FH: variants seen among roughly 807,000 people sequenced by gnomAD.
FH encodes the protein fumarate hydratase, mitochondrial.
A neutral mutation model predicts 49.4 loss-of-function variants in FH; 22 were observed. The ratio of observed to expected loss-of-function variants is 0.45; its 90% CI spans 0.32 to 0.64. The LOEUF (loss-of-function observed/expected upper bound fraction) is 0.64, where lower values mean the gene tolerates loss of function less well. Among genes scored for constraint, FH ranks in the 30% least tolerant of loss-of-function variants. The pLI is 0.05. For missense variants in FH, 526 were observed against 641.5 expected (o/e 0.82, Z 1.95); for synonymous variants, 208 against 223.0 (o/e 0.93, Z 0.60).
intron 1 of FH, chr1:241,519,387 C>T (rs1660305764): frequency 3.3e-6 from 2 of 601,832 alleles, no homozygotes; most frequent in African/African-American, 2.0e-5. Context: ...CAAGCGCTCT[C>T]CCGGGCTGCG....
intron 2 of FH, among the ~76,000 whole-genome samples, 191 bp from the exon 3 acceptor site, chr1:241,513,904 G>T (rs1350831327): frequency 6.6e-6 from 1 of 152,024 alleles, no homozygotes; most frequent in Non-Finnish European, 1.5e-5. Context: ...CATTATCATA[G>T]ATCTATTTGT....
intron 9 of FH, among the ~76,000 whole-genome samples, chr1:241,499,528 T>C (rs1003731517): frequency 2.6e-5 from 4 of 152,202 alleles, no homozygotes; most frequent in African/African-American, 9.7e-5. Context: ...GGCTCAGAGC[T>C]ACCTAAAAGA....
At chr1:241,519,337 G>A (rs768518981) in intron 1 of FH, 7 of 443,498 alleles carry the variant, frequency 1.6e-5, no homozygotes, top group Non-Finnish European at 2.4e-5. Context: ...CGCCGGGAGC[G>A]GGCCCAGTAG....
At chr1:241,517,476 T>C (rs552551138) in intron 1 of FH, among the ~76,000 whole-genome samples, 160 bp from the exon 2 acceptor site, 1 of 152,352 alleles carries the variant, frequency 6.6e-6, no homozygotes, top group East Asian at 1.9e-4. Flanking sequence ...TTTCAGGTCT[T>C]TCCTTGAGAG....
intron 1 of FH, among the ~76,000 whole-genome samples, chr1:241,518,637 A>G (rs919106627): frequency 1.3e-5 from 2 of 152,216 alleles, no homozygotes; most frequent in Non-Finnish European, 2.9e-5. Flanking sequence ...GAGTAGCTGT[A>G]AGTATTTCAA....
chr1:241,517,363 G>T, intron 1 of FH, 47 bp from the exon 2 acceptor site: 1 of 1,608,132 alleles, frequency 6.2e-7, no homozygotes, highest in East Asian at 2.2e-5. Flanking sequence ...AGAAACCCAG[G>T]ATCAAAAGTA....
At chr1:241,517,428 C>CA in intron 1 of FH, 112 bp from the exon 2 acceptor site, 7 of 1,116,742 alleles carry the variant, frequency 6.3e-6, no homozygotes, top group Non-Finnish European at 7.8e-6. Context: ...ATCACAAAGA[C>CA]AAAAAAATAC....
At position 241,506,132 on chromosome 1, in the gene FH, T is replaced by C. The variant is rs1343775223; in HGVS notation, c.775A>G (p.Met259Val). ...SGYVQQVKYA[M>V]TRIKAAMPRI... The stretch of plus-strand genomic sequence containing the variant: ...GGCATGGCAGCTTTTATTCTTGTCA[T>C]TGCATATTTTACTTGTTGAACATAA... The change falls in exon 6 of 10, where the codon ATG becomes GTG. Residue 259 changes from methionine (M) to valine (V), a missense_variant. Physicochemically the swap from Met to Val is conservative, Grantham distance 21 (BLOSUM62 1). Around this residue, in one of 2 missense-constraint regions of FH, gnomAD observed 383 missense variants for 514.0 expected, o/e 0.75. Coordinates refer to ENST00000366560, the MANE Select transcript of FH (RefSeq NM_000143.4). 5.0e-6 allele frequency: 8 copies of C among 1,613,920 alleles called. No individual in the cohort carries two copies. The highest frequency in any genetic ancestry group is 2.2e-5 in the South Asian group (2 of 91,080).
At chr1:241,500,644 T>TACTAAGGC in intron 8 of FH, 54 bp from the exon 9 acceptor site, 1 of 552,440 alleles carries the variant, frequency 1.8e-6, no homozygotes. Context: ...AGAGAGACAT[T>TACTAAGGC]ACTAAGGCAA....
At position 241,502,528 on chromosome 1, in the gene FH, G is replaced by A. The variant is rs904463039; in HGVS notation, c.1151C>T (p.Ala384Val). 1 of 1,614,146 alleles carries A rather than the reference G, an allele frequency of 6.2e-7. No individual in the cohort carries two copies. Among genetic ancestry groups the A allele is most frequent in the Non-Finnish European group, 8.5e-7 (1 of 1,180,002 alleles). The change falls in exon 8 of 10, where the codon GCA (alanine) becomes GTA (valine). Residue 384 changes from alanine (A) to valine (V), a missense_variant. By Grantham distance (64) the Ala-to-Val change is moderately conservative. Around this residue, in one of 2 missense-constraint regions of FH, gnomAD observed 383 missense variants for 514.0 expected, o/e 0.75. Transcript: ENST00000366560. ...AACATGGTTCCCCATGACTTGGGCT[G>A]CAACCATGGTCATTGCTTCACACTG... is the stretch of plus-strand genomic sequence containing the variant. ...PTQCEAMTMV[A>V]AQVMGNHVAV...
chr1:241,498,158 T>TAAGAAATAA (rs1333021203), intron 9 of FH, among the ~76,000 whole-genome samples, 188 bp from the exon 10 acceptor site: 1 of 152,130 alleles, frequency 6.6e-6, no homozygotes, highest in Admixed American at 6.5e-5. Flanking sequence ...TTACTTTCCT[T>TAAGAAATAA]AAGAAATAAA....
chr1:241,500,964 A>G (rs1659765316), intron 8 of FH, among the ~76,000 whole-genome samples: 1 of 152,198 alleles, frequency 6.6e-6, no homozygotes, highest in Non-Finnish European at 1.5e-5. Context: ...GGACTTGGCC[A>G]GAGAAGGAAA....
Position 241,502,569 on chromosome 1 carries a change from G to A in FH, c.1110C>T (p.Gly370=), listed in dbSNP as rs1281311797. 6.2e-7 allele frequency: 1 copy of A among 1,613,966 alleles called. No individual in the cohort carries two copies. Among genetic ancestry groups the A allele is most frequent in the Non-Finnish European group, 8.5e-7 (1 of 1,179,972 alleles). The change falls in exon 8 of 10, where the codon GGC becomes GGT. Residue 370 remains glycine, a splice_region_variant and synonymous_variant. Coordinates refer to ENST00000366560, the MANE Select transcript of FH (RefSeq NM_000143.4). ...CTTCACACTGAGTAGGGTTCACCTT[G>A]CCTTCAAGAAAACCACCAATGACAG... ...ENEPGSSIMP[G]KVNPTQCEAM... is the part of the protein sequence containing the mutation.
At chr1:241,499,449 C>G (rs552890423) in intron 9 of FH, among the ~76,000 whole-genome samples, 21 of 152,274 alleles carry the variant, frequency 1.4e-4, no homozygotes, top group Non-Finnish European at 2.9e-4. Flanking sequence ...AGTTGATGTA[C>G]CATAATTTTA....
chr1:241,518,480 T>G (rs1660278017), intron 1 of FH, among the ~76,000 whole-genome samples: 1 of 152,206 alleles, frequency 6.6e-6, no homozygotes, highest in South Asian at 2.1e-4. Context: ...TTCTGTAGTA[T>G]AGTTGTATAT....
rs189561604 is a variant in FH at position 241,513,099 on chromosome 1, A to C, written c.378+504T>G. ...TTTCTATAATTTACCATATAAATATAATTTATATAAGTAGCTGTTATAGTT... is the reference window on the plus strand; with the variant it reads ...TTTCTATAATTTACCATATAAATATCATTTATATAAGTAGCTGTTATAGTT... On this transcript the variant is annotated intron_variant, in intron 3 of 9. Coordinates refer to ENST00000366560, the MANE Select transcript of FH (RefSeq NM_000143.4). 7.4e-4 allele frequency among the ~76,000 whole-genome samples: 112 copies of C among 152,288 alleles called. 2 individuals carry two copies. The highest frequency in any genetic ancestry group is 2.6e-3 in the African/African-American group (108 of 41,558).
Position 241,503,978 on chromosome 1 carries a change from A to G in FH, c.1108+64T>C, listed in dbSNP as rs555908729. 2.3e-5 allele frequency: 34 copies of G among 1,454,842 alleles called. No homozygotes were observed. In the South Asian group the frequency reaches 3.7e-4, roughly 16 times the overall value. The allele number at this position is 1,454,842 out of a possible 1,614,324, so 90.1% of individuals were successfully genotyped here. A position where few individuals can be genotyped will look rare whatever the true frequency, so the allele number is the denominator to read the frequency against. ...CTTTAAACAAAGAGAGACATGGTCC[A>G]TAGCTAAGAATGCCTAGGACCTAGT... is the stretch of plus-strand genomic sequence containing the variant. On this transcript the variant is annotated intron_variant, in intron 7 of 9. Transcript: ENST00000366560.
intron 2 of FH, among the ~76,000 whole-genome samples, chr1:241,515,512 G>A (rs911875620): frequency 6.6e-6 from 1 of 152,030 alleles, no homozygotes; most frequent in Admixed American, 6.6e-5. Flanking sequence ...CACCAAGAAG[G>A]CTGTAGATGG....
At position 241,502,535 on chromosome 1, in the gene FH, T is replaced by C. The variant is rs886039365; in HGVS notation, c.1144A>G (p.Met382Val). The stretch of plus-strand genomic sequence containing the variant: ...TTCCCCATGACTTGGGCTGCAACCA[T>C]GGTCATTGCTTCACACTGAGTAGGG... The part of the protein sequence containing the change: ...VNPTQCEAMT[M>V]VAAQVMGNHV... The change falls in exon 8 of 10, where the codon ATG becomes GTG. Residue 382 changes from methionine (M) to valine (V), a missense_variant. This residue lies in a region of FH where 383 missense variants were observed against 514.0 expected (regional missense o/e 0.75). Transcript: ENST00000366560. 6.2e-7 allele frequency: 1 copy of C among 1,614,200 alleles called. No homozygotes were observed. The highest frequency in any genetic ancestry group is 2.2e-5 in the East Asian group (1 of 44,884).
Sources: gnomAD v4.1 joint callset for allele counts (sites outside exome capture counted in the v4.1 genomes callset) on GRCh38, gnomAD v4.1.1 for gene constraint, gnomAD v4.1.1 regional missense constraint, MANE v1.5 for transcripts, NCBI Gene and HGNC (gene_info 2026-07-23, HGNC 2026-07-21) for gene names.